KIF19: variants seen among roughly 807,000 people sequenced by gnomAD.
The protein encoded by KIF19 is kinesin family member 19.
Under a neutral mutation model 106.6 loss-of-function variants are expected in KIF19, and 98 were observed. The observed-to-expected ratio is 0.92, with a 90% confidence interval of 0.78 to 1.09. The LOEUF is 1.09. KIF19 is among the 50% of genes least tolerant of loss of function. The pLI is 0.00. For synonymous variants in KIF19, 516 were observed against 584.2 expected, an observed-to-expected ratio of 0.88 and a Z score of 1.68; for missense variants, 1,373 against 1,414.3, an observed-to-expected ratio of 0.97 and a Z score of 0.47.
chr17:74,328,457 A>G lies in KIF19; in HGVS notation c.72A>G (p.Ala24=). 6 of 1,611,420 alleles carry G rather than the reference A, an allele frequency of 3.7e-6. No individual in the cohort carries two copies. Among genetic ancestry groups the G allele is most frequent in the Non-Finnish European group, 5.1e-6 (6 of 1,179,108 alleles). The change falls in exon 2 of 20, where the codon GCA becomes GCG. Residue 24 remains alanine, a synonymous_variant. Coordinates refer to ENST00000389916, the MANE Select transcript of KIF19 (RefSeq NM_153209.4). Reference sequence around the variant, plus strand: ...TTCGGGTCCGGCCCATCAGCGTGGCAGAGCTGGAGGAAGGAGCTACCCTCA... The same window carrying G: ...TTCGGGTCCGGCCCATCAGCGTGGCGGAGCTGGAGGAAGGAGCTACCCTCA... ...VALRVRPISV[A]ELEEGATLIA...
Position 74,349,254 on chromosome 17 carries a change from G to A in KIF19, c.1118G>A (p.Gly373Asp), listed in dbSNP as rs1467351852. ...ACCAGCATCATCGCTGACCTGCGGG[G>A]CGAGATCCAGCGACTCAAGCGCAAG... is the stretch of plus-strand genomic sequence containing the variant. ...QYTSIIADLR[G>D]EIQRLKRKID... Residue 373 changes from glycine (G) to aspartate (D), a missense_variant, in exon 10 of 20, where the codon GGC becomes GAC. Gly to Asp is a moderately conservative substitution (Grantham distance 94). Coordinates refer to ENST00000389916, the MANE Select transcript of KIF19 (RefSeq NM_153209.4). 1 of 1,613,462 alleles carries A rather than the reference G, an allele frequency of 6.2e-7. No individual in the cohort carries two copies. Among genetic ancestry groups the A allele is most frequent in the Non-Finnish European group, 8.5e-7 (1 of 1,179,836 alleles).
intron 2 of KIF19, among the ~76,000 whole-genome samples, chr17:74,337,499 A>G (rs1440898773): frequency 6.6e-6 from 1 of 152,200 alleles, no homozygotes; most frequent in East Asian, 1.9e-4. Context: ...AAGAAACCCC[A>G]GTGATCTGAG....
rs201964442 is a variant in KIF19, at chr17:74,352,155, G to A, written c.1858+18G>A. On this transcript the variant is annotated intron_variant, in intron 13 of 19. Transcript: ENST00000389916. ...CATCGACGGTAGGGCCCACGCCCCC[G>A]CGCATCTGAGCCACCCGCGGGGGGG... 24 of 1,582,696 alleles carry A rather than the reference G, an allele frequency of 1.5e-5. No homozygotes were observed. The African/African-American group carries it at 2.7e-4, about 18-fold the overall frequency.
At position 74,333,863 on chromosome 17, in the gene KIF19, CT is replaced by C. The variant is rs368776098; in HGVS notation, c.120+5370del. 4.7e-3 allele frequency among the ~76,000 whole-genome samples: 624 copies of C among 132,540 alleles called. 9 individuals are homozygous for C. Among genetic ancestry groups the C allele is most frequent in the African/African-American group, 0.016 (547 of 35,286 alleles). 87.0% of individuals were successfully genotyped at this position (132,540 alleles called of 152,430 possible). A position where few individuals can be genotyped will look rare whatever the true frequency, so the allele number is the denominator to read the frequency against. On this transcript the variant is annotated intron_variant, in intron 2 of 19. Transcript: ENST00000389916. ...ACTCCTTTTTTTTTTCTTTTTTTTT[CT>C]TTTTTTTTTTTGAGATGGGGGTCTC...
chr17:74,352,866 C>A lies in KIF19; in HGVS notation c.2026C>A (p.Pro676Thr). 1 of 1,614,002 alleles carries A rather than the reference C, an allele frequency of 6.2e-7. No individual in the cohort carries two copies. The highest frequency in any genetic ancestry group is 8.5e-7 in the Non-Finnish European group (1 of 1,179,890). The change falls in exon 15 of 20, where the codon CCA (proline) becomes ACA (threonine). Residue 676 changes from proline to threonine, a missense_variant. By Grantham distance (38) the Pro-to-Thr change is conservative. Coordinates refer to ENST00000389916, the MANE Select transcript of KIF19 (RefSeq NM_153209.4). ...TACCCCAGCAGGAACCTCACTGACC[C>A]CAGATTCTGACCTGGAGAGTGTGAA... is the stretch of plus-strand genomic sequence containing the variant. ...KITPAGTSLT[P>T]DSDLESVKTL... is the part of the protein sequence containing the mutation.
chr17:74,346,662 A>G lies in KIF19; in HGVS notation c.924+138A>G, dbSNP rs964959915. 2 of 772,824 alleles carry G rather than the reference A, an allele frequency of 2.6e-6. No individual in the cohort carries two copies. Among genetic ancestry groups the G allele is most frequent in the South Asian group, 1.9e-5 (1 of 53,966 alleles). The allele number at this position is 772,824 out of a possible 1,614,324, so 47.9% of individuals were successfully genotyped here. A position where few individuals can be genotyped will look rare whatever the true frequency, so the allele number is the denominator to read the frequency against. ...ATTTATTTTAGCGTAAATATGTCCC[A>G]TGAAATATTTGGGATATTCTTATGC... On this transcript the variant is annotated intron_variant, in intron 8 of 19. Coordinates refer to ENST00000389916, the MANE Select transcript of KIF19 (RefSeq NM_153209.4). The surrounding 1 kb of genome is among the most constrained non-coding windows in gnomAD (Gnocchi z 4.6).
intron 2 of KIF19, 137 bp downstream of exon 2, chr17:74,328,642 T>C (rs1390127652): frequency 6.0e-6 from 4 of 663,870 alleles, no homozygotes; most frequent in Non-Finnish European, 1.0e-5. Context: ...GGCTGTGCTG[T>C]TGATGACATC....
At chr17:74,327,099 G>A (rs2053935908) in intron 1 of KIF19, among the ~76,000 whole-genome samples, 1 of 152,150 alleles carries the variant, frequency 6.6e-6, no homozygotes, top group African/African-American at 2.4e-5. Flanking sequence ...GCTGTGGGTG[G>A]GTGGGTGTCT....
intron 14 of KIF19, 28 bp downstream of exon 14, chr17:74,352,368 A>G: frequency 5.0e-6 from 8 of 1,589,728 alleles, no homozygotes; most frequent in African/African-American, 1.3e-5. Context: ...CGGCCTGAAC[A>G]TGGGCACATG....
At chr17:74,327,788 G>C (rs74972707) in intron 1 of KIF19, among the ~76,000 whole-genome samples, 1 of 152,142 alleles carries the variant, frequency 6.6e-6, no homozygotes, top group Non-Finnish European at 1.5e-5. Flanking sequence ...GTCTTCACTC[G>C]GCCAGAGGGC....
At chr17:74,354,601 G>A in intron 18 of KIF19, 42 bp downstream of exon 18, 2 of 1,558,452 alleles carry the variant, frequency 1.3e-6, no homozygotes, top group Non-Finnish European at 1.7e-6. Context: ...CACTCCCATA[G>A]CAGCTGGAGG....
rs1040583496 is a variant in KIF19, at chr17:74,353,399, G to A, written c.2221-95G>A. ...AGTTGGGATGGACCCTTTCCCAAAC[G>A]GCACCAGCTTGAGGCCCCGCTGTCT... On this transcript the variant is annotated intron_variant, in intron 16 of 19. Coordinates refer to ENST00000389916, the MANE Select transcript of KIF19 (RefSeq NM_153209.4). 2.3e-4 allele frequency: 338 copies of A among 1,452,036 alleles called. 1 individual carries two copies. In the African/African-American group the frequency reaches 4.3e-3, roughly 18 times the overall value. The allele number at this position is 1,452,036 out of a possible 1,614,324, so 89.9% of individuals were successfully genotyped here.
intron 2 of KIF19, among the ~76,000 whole-genome samples, chr17:74,330,544 C>T (rs997229161): frequency 6.6e-6 from 1 of 152,168 alleles, no homozygotes; most frequent in African/African-American, 2.4e-5. Context: ...ATCAGGTCCT[C>T]GGGGTTGGGA....
Position 74,342,838 on chromosome 17 carries a change from C to T in KIF19, c.319+121C>T, listed in dbSNP as rs568603209. The T allele has an allele frequency of 7.1e-4, 839 of 1,184,478 alleles. 17 individuals carry two copies. The South Asian group carries it at 8.3e-3, about 12-fold the overall frequency. The allele number at this position is 1,184,478 out of a possible 1,614,324, so 73.4% of individuals were successfully genotyped here. A position where few individuals can be genotyped will look rare whatever the true frequency, so the allele number is the denominator to read the frequency against. Reference sequence around the variant, plus strand: ...AGGATGTGGTCGCTCCACATCTCACCCAGGGCCCTCCAGCCCCAGAGGCCC... The same window carrying T: ...AGGATGTGGTCGCTCCACATCTCACTCAGGGCCCTCCAGCCCCAGAGGCCC... On this transcript the variant is annotated intron_variant, in intron 4 of 19. Coordinates refer to ENST00000389916, the MANE Select transcript of KIF19 (RefSeq NM_153209.4).
chr17:74,343,478 G>A (rs1172653948), intron 5 of KIF19, among the ~76,000 whole-genome samples: 4 of 152,198 alleles, frequency 2.6e-5, no homozygotes, highest in African/African-American at 4.8e-5. Context: ...TGCCTCCAGC[G>A]ATTCTGTGTA....
chr17:74,346,377 GAC>G lies in KIF19; in HGVS notation c.781_782del (p.Gln261GlufsTer31). ...ACGTGTGCCCTTTGCTCGCCCCCTA[GAC>G]ACAGAATCGTGGGCAGCGTATGAAG... ...DLAGSERASQ[T>X]QNRGQRMKEG... On this transcript the variant is annotated frameshift_variant and splice_region_variant, in exon 8 of 20. Transcript: ENST00000389916. LOFTEE classifies it high-confidence loss of function. The surrounding 1 kb of genome is among the most constrained non-coding windows in gnomAD (Gnocchi z 4.6). 1 of 1,571,886 alleles carries G rather than the reference GAC, an allele frequency of 6.4e-7. No individual in the cohort carries two copies. The highest frequency in any genetic ancestry group is 8.6e-7 in the Non-Finnish European group (1 of 1,158,768).
chr17:74,326,417 C>A, intron 1 of KIF19, 29 bp downstream of exon 1: 2 of 1,607,448 alleles, frequency 1.2e-6, no homozygotes, highest in Non-Finnish European at 1.7e-6. Context: ...CTCCTCCCCA[C>A]CCCGCTCCGT....
At chr17:74,333,132 T>TC (rs1202639155) in intron 2 of KIF19, among the ~76,000 whole-genome samples, 2 of 152,162 alleles carry the variant, frequency 1.3e-5, no homozygotes, top group Non-Finnish European at 2.9e-5. Context: ...GGTGGGAAAC[T>TC]CCCTGCACAC....
At chr17:74,353,066 GC>G (rs2054765011) in intron 15 of KIF19, 112 bp downstream of exon 15, 4 of 1,447,338 alleles carry the variant, frequency 2.8e-6, no homozygotes, top group Non-Finnish European at 3.8e-6. Context: ...GGAGCAGGTG[GC>G]CCAGGTCTGG....
Sources: allele counts gnomAD v4.1 joint callset (sites outside exome capture counted in the v4.1 genomes callset), GRCh38; gene constraint gnomAD v4.1.1; non-coding constraint Gnocchi (gnomAD v3.1); transcripts MANE v1.5; gene names NCBI Gene and HGNC (gene_info 2026-07-23, HGNC 2026-07-21).